Variants in RUFY2 observed in about 807,000 individuals in gnomAD.
The protein encoded by RUFY2 is RUN and FYVE domain containing 2.
In RUFY2, 49 loss-of-function variants were observed where a neutral mutation model predicts 94.4. The ratio of observed to expected loss-of-function variants is 0.52; its 90% CI spans 0.41 to 0.66. The LOEUF is 0.66. Ranked by LOEUF, RUFY2 falls within the 30% of genes least tolerant of loss-of-function variation. The pLI is 0.00. For synonymous variants in RUFY2, 255 were observed against 235.7 expected (o/e 1.08, Z -0.75); for missense variants, 541 against 692.8 (o/e 0.78, Z 2.46).
At chr10:68,351,783 A>G (rs1161781243) in intron 16 of RUFY2, among the ~76,000 whole-genome samples, 1 of 148,126 alleles carries the variant, frequency 6.8e-6, no homozygotes, top group African/African-American at 2.5e-5. Context: ...ACGGCCTGGC[A>G]AGGTGGCTCA....
At chr10:68,348,245 C>A (rs991733359) in intron 16 of RUFY2, among the ~76,000 whole-genome samples, 1 of 150,882 alleles carries the variant, frequency 6.6e-6, no homozygotes, top group Admixed American at 6.6e-5. Flanking sequence ...ACCTGTAATC[C>A]CAGCACTTTT....
At chr10:68,396,223 C>T (rs1168336035) in intron 4 of RUFY2, among the ~76,000 whole-genome samples, 1 of 152,166 alleles carries the variant, frequency 6.6e-6, no homozygotes, top group Non-Finnish European at 1.5e-5. Context: ...CTCCTGACCT[C>T]AAGTGATCCA....
intron 1 of RUFY2, chr10:68,406,842 C>T (rs776808633): frequency 7.4e-6 from 12 of 1,612,180 alleles, no homozygotes; most frequent in Admixed American, 3.3e-5. Flanking sequence ...CCCTCCGCCA[C>T]CCCCAAACCT....
At chr10:68,350,719 G>GTT (rs200638644) in intron 16 of RUFY2, among the ~76,000 whole-genome samples, 8 of 147,980 alleles carry the variant, frequency 5.4e-5, no homozygotes, top group Non-Finnish European at 7.5e-5. Context: ...TTTGTTTTTG[G>GTT]TTTTTTTTTT....
At chr10:68,357,369 T>C (rs2047134637) in intron 15 of RUFY2, among the ~76,000 whole-genome samples, 1 of 151,612 alleles carries the variant, frequency 6.6e-6, no homozygotes, top group Non-Finnish European at 1.5e-5. Context: ...GCTGGGATTA[T>C]AGGCAGTTGT....
intron 16 of RUFY2, among the ~76,000 whole-genome samples, chr10:68,352,065 A>AG (rs2132324715): frequency 6.6e-6 from 1 of 151,902 alleles, no homozygotes; most frequent in African/African-American, 2.4e-5. Flanking sequence ...AAAAAAAAAA[A>AG]AAAGAAAAAA....
At chr10:68,377,312 C>T (rs998432407) in intron 12 of RUFY2, 1 of 1,097,884 alleles carries the variant, frequency 9.1e-7, no homozygotes, top group Non-Finnish European at 1.1e-6. Flanking sequence ...TATGTTACTA[C>T]CTTTTTACAA....
intron 16 of RUFY2, among the ~76,000 whole-genome samples, chr10:68,349,243 C>T (rs1427533465): frequency 6.6e-6 from 1 of 152,108 alleles, no homozygotes; most frequent in African/African-American, 2.4e-5. Flanking sequence ...AGGCCGGGTA[C>T]AGTGGCTCAC....
At chr10:68,360,797 G>A (rs987642751) in intron 15 of RUFY2, among the ~76,000 whole-genome samples, 2 of 151,832 alleles carry the variant, frequency 1.3e-5, no homozygotes, top group Admixed American at 6.6e-5. Flanking sequence ...AAGCCGATAA[G>A]AGCAAATATT....
At position 68,345,333 on chromosome 10, in the gene RUFY2, A is replaced by G. The variant is rs944599027; in HGVS notation, c.*435T>C. 2 of 324,652 alleles carry G rather than the reference A, an allele frequency of 6.2e-6. No individual in the cohort carries two copies. Among genetic ancestry groups the G allele is most frequent in the Non-Finnish European group, 1.1e-5 (2 of 180,998 alleles). The allele number at this position is 324,652 out of a possible 1,614,324, so 20.1% of individuals were successfully genotyped here. ...GTTGAAATCTTACAAAGATAATGAAAATCTGTTGAATTAGAATATTAATAA... is the reference window on the plus strand; with the variant it reads ...GTTGAAATCTTACAAAGATAATGAAGATCTGTTGAATTAGAATATTAATAA... On this transcript the variant is annotated 3_prime_UTR_variant, in exon 18 of 18. Coordinates refer to ENST00000602465, the MANE Select transcript of RUFY2 (RefSeq NM_001330103.2).
intron 10 of RUFY2, among the ~76,000 whole-genome samples, chr10:68,382,966 A>G (rs1589915708): frequency 6.6e-6 from 1 of 152,186 alleles, no homozygotes; most frequent in Admixed American, 6.5e-5. Flanking sequence ...GTTCTATTTC[A>G]TTTTCTATAA....
intron 7 of RUFY2, 55 bp from the exon 8 acceptor site, chr10:68,386,183 C>A (rs549385201): frequency 1.6e-5 from 23 of 1,406,914 alleles, no homozygotes; most frequent in Middle Eastern, 1.8e-4. Flanking sequence ...CAAAAAGGCA[C>A]GAAAAAATAT....
chr10:68,369,806 C>G (rs888091502), intron 13 of RUFY2, among the ~76,000 whole-genome samples: 1 of 152,042 alleles, frequency 6.6e-6, no homozygotes, highest in Non-Finnish European at 1.5e-5. Flanking sequence ...GTTTGACTCT[C>G]GGTACACCCC....
At chr10:68,341,628 C>T (rs1315820352), downstream of RUFY2, 15 of 1,613,270 alleles carry the variant, frequency 9.3e-6, no homozygotes, top group African/African-American at 1.3e-5. Context: ...CTCCTGGAGG[C>T]GGCTCTGGCA....
At chr10:68,353,925 C>T (rs1023698681) in intron 16 of RUFY2, among the ~76,000 whole-genome samples, 1 of 152,108 alleles carries the variant, frequency 6.6e-6, no homozygotes, top group African/African-American at 2.4e-5. Flanking sequence ...CAAAACTCTT[C>T]ATCCACCATA....
chr10:68,371,810 C>A, intron 13 of RUFY2, among the ~76,000 whole-genome samples: 1 of 151,824 alleles, frequency 6.6e-6, no homozygotes, highest in South Asian at 2.1e-4. Context: ...GACATTAACA[C>A]CTAAAGAGAA....
intron 3 of RUFY2, among the ~76,000 whole-genome samples, chr10:68,400,058 G>A (rs2050695577): frequency 6.6e-6 from 1 of 152,174 alleles, no homozygotes; most frequent in Admixed American, 6.5e-5. Context: ...GGGATTACAG[G>A]CCTGAGCCAC....
rs575286444 is a variant in RUFY2, at chr10:68,344,302, G to A, written c.*1466C>T. 36 of 152,286 alleles carry A rather than the reference G, an allele frequency of 2.4e-4. No homozygotes were observed. The highest frequency in any genetic ancestry group is 8.4e-4 in the African/African-American group (35 of 41,572). The allele number at this position is 152,286 out of a possible 1,614,324, so 9.4% of individuals were successfully genotyped here. A position where few individuals can be genotyped will look rare whatever the true frequency, so the allele number is the denominator to read the frequency against. ...CAGTATTAATAAGAACTCCTTTGTA[G>A]GCAGGGAGGTACCTAGGATTAACCA... On this transcript the variant is annotated 3_prime_UTR_variant, in exon 18 of 18. Coordinates refer to ENST00000602465, the MANE Select transcript of RUFY2 (RefSeq NM_001330103.2).
chr10:68,375,557 G>A (rs1462892292), intron 13 of RUFY2, among the ~76,000 whole-genome samples: 5 of 151,408 alleles, frequency 3.3e-5, no homozygotes, highest in Admixed American at 2.6e-4. Flanking sequence ...GGTGGATCAC[G>A]AGGTCAGGAG....
Sources: allele counts gnomAD v4.1 joint callset (sites outside exome capture counted in the v4.1 genomes callset), GRCh38; gene constraint gnomAD v4.1.1; transcripts MANE v1.5; gene names NCBI Gene and HGNC (gene_info 2026-07-23, HGNC 2026-07-21).